The following HEPHL1 variants were observed in gnomAD, a reference collection of about 807,000 sequenced individuals.
The protein encoded by HEPHL1 is ferroxidase HEPHL1.
Under a neutral mutation model 122.0 loss-of-function variants are expected in HEPHL1, and 123 were observed. The ratio of observed to expected loss-of-function variants is 1.01; its 90% CI spans 0.87 to 1.17. The LOEUF is 1.17. HEPHL1 is among the 50% of genes most tolerant of loss of function. The probability of loss-of-function intolerance (pLI) is 0.00; values close to 1 mark genes in which losing one functional copy is unlikely to be tolerated. For synonymous variants in HEPHL1, 527 were observed against 508.9 expected (o/e 1.04, Z -0.48); for missense variants, 1,452 against 1,430.5 (o/e 1.01, Z -0.24).
intron 17 of HEPHL1, among the ~76,000 whole-genome samples, chr11:94,110,298 TTTGGGA>T (rs963051459): frequency 6.6e-6 from 1 of 152,170 alleles, no homozygotes; most frequent in Non-Finnish European, 1.5e-5. Flanking sequence ...GGATCAGGAA[TTTGGGA>T]TTAGTTTAAC....
At position 94,063,512 on chromosome 11, in the gene HEPHL1, C is replaced by G. The variant is rs1375493326; in HGVS notation, c.420C>G (p.Ala140=). 6.2e-7 allele frequency: 1 copy of G among 1,601,354 alleles called. No individual in the cohort carries two copies. The highest frequency in any genetic ancestry group is 1.7e-5 in the Admixed American group (1 of 57,614). ...TTTAATTTTATTTTTTGGAAGGAGCCCTATACCCAGATGGAACATCTGGAA... is the reference window on the plus strand; with the variant it reads ...TTTAATTTTATTTTTTGGAAGGAGCGCTATACCCAGATGGAACATCTGGAA... ...GVFYNKDSEG[A]LYPDGTSGRN... The change falls in exon 3 of 20, where the codon GCC becomes GCG. Residue 140 remains alanine, a synonymous_variant. Coordinates refer to ENST00000315765, the MANE Select transcript of HEPHL1 (RefSeq NM_001098672.2).
intron 1 of HEPHL1, among the ~76,000 whole-genome samples, chr11:94,043,122 T>C (rs1006706046): frequency 1.3e-5 from 2 of 152,054 alleles, no homozygotes; most frequent in Non-Finnish European, 2.9e-5. Flanking sequence ...ATTGAATTCT[T>C]GGAACTGAGT....
intron 1 of HEPHL1, among the ~76,000 whole-genome samples, chr11:94,022,568 C>T (rs1296284118): frequency 6.6e-6 from 1 of 152,188 alleles, no homozygotes; most frequent in Admixed American, 6.5e-5. Flanking sequence ...TCCAAGTTTT[C>T]TAACAAAACA....
chr11:94,032,832 A>G (rs2134405810), intron 1 of HEPHL1, among the ~76,000 whole-genome samples: 1 of 152,308 alleles, frequency 6.6e-6, no homozygotes, highest in Non-Finnish European at 1.5e-5. Context: ...AAATGGGCTC[A>G]AGCAAGTGCA....
intron 2 of HEPHL1, among the ~76,000 whole-genome samples, chr11:94,060,776 C>T (rs1219222531): frequency 2.0e-5 from 3 of 152,162 alleles, no homozygotes; most frequent in Non-Finnish European, 4.4e-5. Context: ...ATATTAAACA[C>T]ATTTGACCTT....
intron 4 of HEPHL1, among the ~76,000 whole-genome samples, chr11:94,066,238 G>A (rs1405412328): frequency 1.3e-5 from 2 of 151,916 alleles, no homozygotes; most frequent in East Asian, 3.9e-4. Context: ...TGAAGTAGAT[G>A]TGTGTTTGCA....
intron 2 of HEPHL1, among the ~76,000 whole-genome samples, chr11:94,049,036 G>A (rs541594864): frequency 2.6e-5 from 4 of 152,078 alleles, no homozygotes; most frequent in South Asian, 2.1e-4. Context: ...CAGGATAGTC[G>A]CTTGAACCTG....
chr11:94,106,091 A>C lies in HEPHL1; in HGVS notation c.3006A>C (p.Ile1002=). The C allele has an allele frequency of 6.3e-7, 1 of 1,591,530 alleles. No individual in the cohort carries two copies. The highest frequency in any genetic ancestry group is 1.3e-5 in the African/African-American group (1 of 74,854). Residue 1002 remains isoleucine, a synonymous_variant, in exon 17 of 20, where the codon ATA becomes ATC. Transcript: ENST00000315765. ...YLLGIGSEVD[I]HTIHYHAESF... Reference sequence around the variant, plus strand: ...TAGGGATAGGAAGTGAAGTGGACATACATACCATCCATTATCATGCTGAGA... The same window carrying C: ...TAGGGATAGGAAGTGAAGTGGACATCCATACCATCCATTATCATGCTGAGA...
At chr11:94,102,782 T>TTATTGAATGAGTAATTGAATGA in intron 14 of HEPHL1, 132 bp from the exon 15 acceptor site, 1 of 585,372 alleles carries the variant, frequency 1.7e-6, no homozygotes, top group East Asian at 2.9e-5. Context: ...TAAGAACATT[T>TTATTGAATGAGTAATTGAATGA]GTAATGAATG....
At position 94,022,378 on chromosome 11, in the gene HEPHL1, G is replaced by T. The variant is rs376697197; in HGVS notation, c.170+840G>T. On this transcript the variant is annotated intron_variant, in intron 1 of 19. Transcript: ENST00000315765. ...GGCAACCTCTGTTGGATATTTGAAT[G>T]CTTGCTTCTTTTCTGACAGGCAGAA... Among the ~76,000 whole-genome samples, 5 of 152,300 alleles carry T rather than the reference G, an allele frequency of 3.3e-5. No homozygotes were observed. The East Asian group carries it at 7.7e-4, about 24-fold the overall frequency.
At chr11:94,054,935 A>G (rs1945923380) in intron 2 of HEPHL1, 1 of 152,346 alleles carries the variant, frequency 6.6e-6, no homozygotes, top group Admixed American at 6.5e-5. Flanking sequence ...TTTCACAGTG[A>G]TTTCTCAGGT....
chr11:94,053,059 T>A (rs1395476261), intron 2 of HEPHL1, among the ~76,000 whole-genome samples: 1 of 152,084 alleles, frequency 6.6e-6, no homozygotes, highest in South Asian at 2.1e-4. Flanking sequence ...ATTTTTTTTT[T>A]AGTATTTGTT....
At chr11:94,051,977 T>C (rs1945894006) in intron 2 of HEPHL1, among the ~76,000 whole-genome samples, 1 of 152,158 alleles carries the variant, frequency 6.6e-6, no homozygotes, top group Non-Finnish European at 1.5e-5. Context: ...CCAGGTTCTC[T>C]ATTCTGTTCC....
intron 2 of HEPHL1, among the ~76,000 whole-genome samples, chr11:94,053,077 T>G (rs1176487741): frequency 6.6e-6 from 1 of 152,116 alleles, no homozygotes; most frequent in Non-Finnish European, 1.5e-5. Context: ...GTTAGAATTT[T>G]TATATAAAAC....
At chr11:94,092,736 G>A (rs919228719) in intron 12 of HEPHL1, among the ~76,000 whole-genome samples, 1 of 152,016 alleles carries the variant, frequency 6.6e-6, no homozygotes, top group African/African-American at 2.4e-5. Flanking sequence ...CAGTGTTAAT[G>A]CTGTTGAGCT....
At chr11:94,095,494 A>G (rs1010677207) in intron 13 of HEPHL1, among the ~76,000 whole-genome samples, 217 of 152,262 alleles carry the variant, frequency 1.4e-3, no homozygotes, top group Non-Finnish European at 2.4e-3. Context: ...TTTTGGTTCC[A>G]TATGAACTTT....
At chr11:94,046,393 C>T (rs1308188474) in intron 2 of HEPHL1, among the ~76,000 whole-genome samples, 4 of 151,292 alleles carry the variant, frequency 2.6e-5, no homozygotes, top group South Asian at 4.2e-4. Context: ...CCACCATGCC[C>T]GGCTCCCCTT....
At chr11:94,064,112 A>T (rs1314299266) in intron 3 of HEPHL1, among the ~76,000 whole-genome samples, 2 of 152,332 alleles carry the variant, frequency 1.3e-5, no homozygotes, top group East Asian at 3.9e-4. Flanking sequence ...AGAGACAGCC[A>T]GTCTTCCAAG....
chr11:94,069,886 T>C (rs924445218), intron 5 of HEPHL1, among the ~76,000 whole-genome samples: 6 of 152,178 alleles, frequency 3.9e-5, no homozygotes, highest in African/African-American at 1.4e-4. Flanking sequence ...ACATTCTCTT[T>C]TGGAAATTGT....
Sources: gnomAD v4.1 joint callset for allele counts (sites outside exome capture counted in the v4.1 genomes callset) on GRCh38, gnomAD v4.1.1 for gene constraint, MANE v1.5 for transcripts, NCBI Gene and HGNC (gene_info 2026-07-23, HGNC 2026-07-21) for gene names.